The following C11orf65 variants were observed in gnomAD, a reference collection of about 807,000 sequenced individuals.
The protein encoded by C11orf65 is protein MFI.
C11orf65 carries 38 observed loss-of-function variants against 35.3 expected under a neutral mutation model. The observed-to-expected ratio is 1.08, with a 90% CI of 0.83 to 1.41. The LOEUF is 1.41. C11orf65 is among the 40% of genes most tolerant of loss of function. C11orf65 has a pLI of 0.00. For synonymous variants in C11orf65, 105 were observed against 114.4 expected, an observed-to-expected ratio of 0.92 and a Z score of 0.53; for missense variants, 370 against 367.1, an observed-to-expected ratio of 1.01 and a Z score of -0.06.
intron 2 of C11orf65, chr11:108,366,249 T>G (rs904314057): frequency 1.5e-5 from 3 of 200,736 alleles, no homozygotes; most frequent in Non-Finnish European, 3.1e-5. Flanking sequence ...GATAACTTCA[T>G]AGATTGCCTT....
At position 108,335,294 on chromosome 11, in the gene C11orf65, T is replaced by C; in HGVS notation, c.227-2A>G. ...CTTTTCTCCATTTTTTTTGTGTCTC[T>C]GAAAGACAATCATTATTATATGGTT... is the stretch of plus-strand genomic sequence containing the variant. On this transcript the variant is annotated splice_acceptor_variant, in intron 2 of 3. Transcript: ENST00000524755. LOFTEE classifies it high-confidence loss of function. 6.6e-7 allele frequency: 1 copy of C among 1,506,408 alleles called. No individual in the cohort carries two copies. The highest frequency in any genetic ancestry group is 8.9e-7 in the Non-Finnish European group (1 of 1,128,586). 93.3% of individuals were successfully genotyped at this position (1,506,408 alleles called of 1,614,324 possible).
chr11:108,373,776 G>A (rs538224840), intron 2 of C11orf65, among the ~76,000 whole-genome samples: 3 of 152,360 alleles, frequency 2.0e-5, no homozygotes, highest in Admixed American at 6.5e-5. Flanking sequence ...CCTGGTCAAG[G>A]AAAGGGGTGA....
At chr11:108,343,930 T>A (rs2087939910) in intron 2 of C11orf65, among the ~76,000 whole-genome samples, 1 of 152,248 alleles carries the variant, frequency 6.6e-6, no homozygotes, top group Admixed American at 6.5e-5. Flanking sequence ...ATTTATTGTA[T>A]GTTTTCTGTC....
At chr11:108,317,849 C>G (rs921275659) in intron 6 of C11orf65, among the ~76,000 whole-genome samples, 4 of 151,446 alleles carry the variant, frequency 2.6e-5, no homozygotes, top group Admixed American at 2.0e-4. Context: ...ACAACTTCAC[C>G]CCACCCCTAA....
intron 2 of C11orf65, chr11:108,366,745 T>G (rs1297168254): frequency 4.3e-6 from 1 of 231,034 alleles, no homozygotes; most frequent in Non-Finnish European, 8.6e-6. Flanking sequence ...CATCTCCTTG[T>G]GCTAGTGGGC....
At chr11:108,379,674 GTTTA>G (rs1217357427), downstream of C11orf65, among the ~76,000 whole-genome samples, 3 of 151,654 alleles carry the variant, frequency 2.0e-5, no homozygotes, top group Non-Finnish European at 4.4e-5. Context: ...TAGCTCCTGG[GTTTA>G]TTTAAGTAAC....
At chr11:108,313,247 C>A (rs1265528329) in intron 6 of C11orf65, among the ~76,000 whole-genome samples, 1 of 152,174 alleles carries the variant, frequency 6.6e-6, no homozygotes, top group East Asian at 1.9e-4. Flanking sequence ...TCCCTCTGAA[C>A]TATGTTCTGA....
At chr11:108,449,620 G>T (rs7128148) in intron 2 of C11orf65, among the ~76,000 whole-genome samples, 92,953 of 151,610 alleles carry the variant, frequency 0.61, 28,891 homozygotes, top group Middle Eastern at 0.75. Flanking sequence ...CCTTACACCT[G>T]ATACAAAAAT....
At chr11:108,426,869 G>A (rs2092909673) in intron 3 of C11orf65, among the ~76,000 whole-genome samples, 1 of 151,998 alleles carries the variant, frequency 6.6e-6, no homozygotes, top group African/African-American at 2.4e-5. Flanking sequence ...TGACAAACCT[G>A]ACAAAAACAA....
At chr11:108,321,273 C>T (rs2085186864) in intron 6 of C11orf65, 2 of 1,613,436 alleles carry the variant, frequency 1.2e-6, no homozygotes, top group Non-Finnish European at 1.7e-6. Context: ...TCTTTATTTT[C>T]AGAGTGTCTT....
In C11orf65 at chr11:108,332,803, A is replaced by G. The variant is rs2136564073; in HGVS notation, c.300-1236T>C. On this transcript the variant is annotated intron_variant, in intron 3 of 3. Transcript: ENST00000524755. Reference sequence around the variant, plus strand: ...CAAATAGAATAATATGTACTATCAGAAGTAGGAGACCTCAGATGGTCAGAA... The same window carrying G: ...CAAATAGAATAATATGTACTATCAGGAGTAGGAGACCTCAGATGGTCAGAA... The G allele has an allele frequency of 1.2e-6, 2 of 1,613,496 alleles. No homozygotes were observed. The highest frequency in any genetic ancestry group is 1.7e-6 in the Non-Finnish European group (2 of 1,179,774).
chr11:108,404,752 C>A (rs548233350), intron 6 of C11orf65, among the ~76,000 whole-genome samples: 18 of 152,190 alleles, frequency 1.2e-4, no homozygotes, highest in African/African-American at 4.3e-4. Context: ...TTTCACAATT[C>A]CATATTCTGT....
chr11:108,331,336 C>T (rs2086210324), downstream of C11orf65: 6 of 1,474,338 alleles, frequency 4.1e-6, no homozygotes, highest in South Asian at 1.4e-5. Context: ...GTTTTGTTAA[C>T]CACTTGTGCT....
intron 3 of C11orf65, among the ~76,000 whole-genome samples, chr11:108,430,639 T>C (rs1350303399): frequency 6.6e-6 from 1 of 151,316 alleles, no homozygotes; most frequent in Non-Finnish European, 1.5e-5. Flanking sequence ...AGTCCAGGAG[T>C]TCAAGACCAG....
intron 2 of C11orf65, among the ~76,000 whole-genome samples, chr11:108,361,402 C>T (rs1271410227): frequency 1.3e-5 from 2 of 151,630 alleles, no homozygotes; most frequent in East Asian, 1.9e-4. Context: ...AATGGCATCC[C>T]CATCAAGCTA....
chr11:108,347,209 G>C, intron 2 of C11orf65: 1 of 1,206,494 alleles, frequency 8.3e-7, no homozygotes, highest in Non-Finnish European at 1.2e-6. Flanking sequence ...GGTCTTAATT[G>C]AAATTATGGC....
chr11:108,326,017 G>T (rs766790269), intron 6 of C11orf65: 1 of 1,597,106 alleles, frequency 6.3e-7, no homozygotes, highest in Admixed American at 1.7e-5. Context: ...AGTAGTATCA[G>T]TAGTAAAAGT....
chr11:108,363,698 G>A (rs1341114027), intron 2 of C11orf65, among the ~76,000 whole-genome samples: 2 of 152,192 alleles, frequency 1.3e-5, no homozygotes, highest in South Asian at 2.1e-4. Flanking sequence ...AGCTTAATCA[G>A]TCTGTATTCC....
At chr11:108,404,583 T>C (rs1190693242) in intron 6 of C11orf65, among the ~76,000 whole-genome samples, 4 of 85,808 alleles carry the variant, frequency 4.7e-5, no homozygotes, top group Non-Finnish European at 1.1e-4. Context: ...AATTTTTTCT[T>C]TTCTTTTTTT....
Sources: gnomAD v4.1 joint callset for allele counts (sites outside exome capture counted in the v4.1 genomes callset) on GRCh38, gnomAD v4.1.1 for gene constraint, MANE v1.5 for transcripts, NCBI Gene and HGNC (gene_info 2026-07-23, HGNC 2026-07-21) for gene names.